The following ZNF37A variants were observed in gnomAD, a reference collection of about 807,000 sequenced individuals.
ZNF37A encodes the protein zinc finger protein 37A, also known as zinc finger protein 37a (KOX 21).
Under a neutral mutation model 12.3 loss-of-function variants are expected in ZNF37A, and 10 were observed. The observed-to-expected ratio is 0.82, with a 90% CI of 0.50 to 1.38. The LOEUF is 1.38. ZNF37A is among the 40% of genes most tolerant of loss of function. ZNF37A has a pLI of 0.00. For missense variants in ZNF37A, 580 were observed against 651.2 expected (o/e 0.89, Z 1.19); for synonymous variants, 207 against 223.0 (o/e 0.93, Z 0.64).
intron 5 of ZNF37A, among the ~76,000 whole-genome samples, chr10:38,100,962 G>A (rs1400008604): frequency 1.3e-5 from 2 of 152,098 alleles, no homozygotes; most frequent in Non-Finnish European, 2.9e-5. Context: ...GGCTGCAGCC[G>A]GTCCCTCTGT....
At chr10:38,114,468 G>T (rs2069076985) in intron 5 of ZNF37A, among the ~76,000 whole-genome samples, 1 of 152,182 alleles carries the variant, frequency 6.6e-6, no homozygotes, top group Non-Finnish European at 1.5e-5. Context: ...TTGTAAGGAA[G>T]ACTCCTGTGT....
Position 38,122,676 on chromosome 10 carries a change from A to T in ZNF37A, c.*3839A>T, listed in dbSNP as rs1471120700. On this transcript the variant is annotated 3_prime_UTR_variant, in exon 8 of 8. Coordinates refer to ENST00000685332, the MANE Select transcript of ZNF37A (RefSeq NM_001324250.3). The stretch of plus-strand genomic sequence containing the variant: ...CCATCTCTTAGCATATACAAAAATC[A>T]AAATTAATTAAAAAGTTAAATCTAA... 6.6e-6 allele frequency: 1 copy of T among 152,218 alleles called. No individual in the cohort carries two copies. The highest frequency in any genetic ancestry group is 1.9e-4 in the East Asian group (1 of 5,198). The allele number at this position is 152,218 out of a possible 1,614,324, so 9.4% of individuals were successfully genotyped here.
intron 4 of ZNF37A, 149 bp from the exon 5 acceptor site, chr10:38,096,425 T>C: frequency 1.9e-6 from 1 of 512,944 alleles, no homozygotes; most frequent in Non-Finnish European, 3.4e-6. Context: ...CGTTTTTACA[T>C]TTGAAAACTA....
chr10:38,115,247 G>T lies in ZNF37A; in HGVS notation c.195G>T (p.Glu65Asp), dbSNP rs146343533. ...TTCTCAAGTTGGAGAAAGGCGAGGA[G>T]CCATGGATATTAGAGGAAAAATTTC... ...EVILKLEKGEEPWILEEKFPS... is the reference protein window; with the variant it reads ...EVILKLEKGEDPWILEEKFPS... The change falls in exon 7 of 8, where the codon GAG becomes GAT. Residue 65 changes from glutamate to aspartate, a missense_variant. Transcript: ENST00000685332. 17 of 1,613,908 alleles carry T rather than the reference G, an allele frequency of 1.1e-5. No individual in the cohort carries two copies. The African/African-American group carries it at 2.3e-4, about 22-fold the overall frequency.
chr10:38,112,228 G>T (rs1389154706), intron 5 of ZNF37A, among the ~76,000 whole-genome samples: 2 of 151,746 alleles, frequency 1.3e-5, no homozygotes, highest in Admixed American at 6.6e-5. Flanking sequence ...ACTTAGCCTG[G>T]TCCATTTAGA....
chr10:38,146,235 A>G (rs574337776), intron 7 of ZNF37A, among the ~76,000 whole-genome samples: 1 of 152,234 alleles, frequency 6.6e-6, no homozygotes, highest in South Asian at 2.1e-4. Flanking sequence ...CGACTTAACA[A>G]CATTTCCAGG....
At chr10:38,140,197 A>C (rs911796526) in intron 7 of ZNF37A, 3 of 152,242 alleles carry the variant, frequency 2.0e-5, no homozygotes, top group African/African-American at 7.2e-5. Flanking sequence ...GCTTATTAAA[A>C]CAAGCAACCA....
Position 38,115,260 on chromosome 10 carries a change from G to C in ZNF37A, c.208G>C (p.Glu70Gln), listed in dbSNP as rs117193245. The change falls in exon 7 of 8, where the codon GAG (glutamate) becomes CAG (glutamine). Residue 70 changes from glutamate (E) to glutamine (Q), a missense_variant. By Grantham distance (29) the Glu-to-Gln change is conservative. Coordinates refer to ENST00000685332, the MANE Select transcript of ZNF37A (RefSeq NM_001324250.3). ...GAAAGGCGAGGAGCCATGGATATTA[G>C]AGGAAAAATTTCCAAGCCAGAGTCA... ...LEKGEEPWILEEKFPSQSHLE... is the reference protein window; with the variant it reads ...LEKGEEPWILQEKFPSQSHLE... 6.9e-3 allele frequency: 11,118 copies of C among 1,613,774 alleles called. 611 individuals carry two copies. In the Admixed American group the frequency reaches 0.11, roughly 16 times the overall value.
chr10:38,132,069 G>T (rs1227017036), intron 7 of ZNF37A, among the ~76,000 whole-genome samples: 1 of 152,012 alleles, frequency 6.6e-6, no homozygotes, highest in Non-Finnish European at 1.5e-5. Context: ...TGCAAATAGA[G>T]ATATTTTTAC....
chr10:38,101,304 T>C (rs971787525), intron 5 of ZNF37A, among the ~76,000 whole-genome samples: 7 of 152,286 alleles, frequency 4.6e-5, no homozygotes, highest in Admixed American at 3.9e-4. Flanking sequence ...TTTTGTAACT[T>C]TAATTTTAAT....
At chr10:38,107,529 C>T (rs2068215132) in intron 5 of ZNF37A, among the ~76,000 whole-genome samples, 1 of 152,168 alleles carries the variant, frequency 6.6e-6, no homozygotes, top group Admixed American at 6.5e-5. Flanking sequence ...TGTAAATGGG[C>T]TAAATGCCCC....
At chr10:38,148,635 G>A (rs891526945) in exon 8 of ZNF37A, 1 of 152,210 alleles carries the variant, frequency 6.6e-6, no homozygotes, top group African/African-American at 2.4e-5. Flanking sequence ...GGAGGCTCAT[G>A]GCCCCATCCA....
At position 38,141,235 on chromosome 10, in the gene ZNF37A, T is replaced by G. The variant is rs148223564; in HGVS notation, c.239-5497T>G. The G allele has an allele frequency of 1.4e-4, 21 of 152,318 alleles. No individual in the cohort carries two copies. In the East Asian group the frequency reaches 3.7e-3, roughly 27 times the overall value. 9.4% of individuals were successfully genotyped at this position (152,318 alleles called of 1,614,324 possible). A position where few individuals can be genotyped will look rare whatever the true frequency, so the allele number is the denominator to read the frequency against. ...CCTCTCCTTAAGTGTGGGCTGGATT[T>G]AGTGACTCAATTTTAACATATAGAG... On this transcript the variant is annotated intron_variant, in intron 7 of 7. Transcript: ENST00000638053.
chr10:38,105,197 G>T (rs1167604891), intron 5 of ZNF37A, among the ~76,000 whole-genome samples: 1 of 151,896 alleles, frequency 6.6e-6, no homozygotes, highest in East Asian at 1.9e-4. Context: ...TAGAGACAGG[G>T]TTTCTCCATG....
intron 4 of ZNF37A, among the ~76,000 whole-genome samples, chr10:38,096,133 C>A (rs2135841638): frequency 6.6e-6 from 1 of 152,190 alleles, no homozygotes; most frequent in South Asian, 2.1e-4. Context: ...CGCACTCCAG[C>A]CTGGGCAACA....
chr10:38,119,364 C>A lies in ZNF37A; in HGVS notation c.*527C>A. On this transcript the variant is annotated 3_prime_UTR_variant, in exon 8 of 8. Coordinates refer to ENST00000685332, the MANE Select transcript of ZNF37A (RefSeq NM_001324250.3). ...TGAAGTCAAGAGGCCAGAGAAAATG[C>A]ACAAACTGTAGGAAACTATAGGAAA... The A allele has an allele frequency of 1.0e-6, 1 of 999,836 alleles. No homozygotes were observed. Among genetic ancestry groups the A allele is most frequent in the Non-Finnish European group, 1.2e-6 (1 of 833,082 alleles). 61.9% of individuals were successfully genotyped at this position (999,836 alleles called of 1,614,324 possible).
In ZNF37A at chr10:38,122,459, C is replaced by A. The variant is rs987862432; in HGVS notation, c.*3622C>A. The A allele has an allele frequency of 1.3e-5, 2 of 152,006 alleles. No individual in the cohort carries two copies. The highest frequency in any genetic ancestry group is 2.9e-5 in the Non-Finnish European group (2 of 68,006). 9.4% of individuals were successfully genotyped at this position (152,006 alleles called of 1,614,324 possible). On this transcript the variant is annotated 3_prime_UTR_variant, in exon 8 of 8. Transcript: ENST00000685332. ...AATTATTCAACAGAGCTACAGTAAC[C>A]AAAACAGCATGATACTGGCATAACA...
intron 5 of ZNF37A, among the ~76,000 whole-genome samples, chr10:38,105,924 C>T (rs1285144806): frequency 6.6e-6 from 1 of 152,134 alleles, no homozygotes; most frequent in African/African-American, 2.4e-5. Flanking sequence ...ATAATGTTAT[C>T]TGCAAATAGA....
rs1190841746 is a variant in ZNF37A at position 38,117,825 on chromosome 10, G to T, written c.674G>T (p.Ser225Ile). The change falls in exon 8 of 8, where the codon AGC becomes ATC. Residue 225 changes from serine to isoleucine, a missense_variant. Ser to Ile is a moderately radical substitution (Grantham distance 142). Coordinates refer to ENST00000685332, the MANE Select transcript of ZNF37A (RefSeq NM_001324250.3). ...GAACATCAGAGTGTTTACCCATTCA[G>T]CCAGAAGTTAAATCTCACTCCAATT... ...LLEHQSVYPF[S>I]QKLNLTPIQR... is the part of the protein sequence containing the mutation. 1 of 1,613,866 alleles carries T rather than the reference G, an allele frequency of 6.2e-7. No homozygotes were observed. The highest frequency in any genetic ancestry group is 8.5e-7 in the Non-Finnish European group (1 of 1,179,982).
Sources: gnomAD v4.1 joint callset for allele counts (sites outside exome capture counted in the v4.1 genomes callset) on GRCh38, gnomAD v4.1.1 for gene constraint, MANE v1.5 for transcripts, NCBI Gene and HGNC (gene_info 2026-07-23, HGNC 2026-07-21) for gene names.